Variants in NXN observed in about 807,000 individuals in gnomAD.
NXN encodes nucleoredoxin, also known as nucleoredoxin 1.
A neutral mutation model predicts 48.6 loss-of-function variants in NXN; 16 were observed. The ratio of observed to expected loss-of-function variants is 0.33; its 90% CI spans 0.22 to 0.50. The LOEUF is 0.50. Ranked by LOEUF, NXN falls within the 20% of genes least tolerant of loss-of-function variation. The pLI, the probability that NXN is intolerant of heterozygous loss-of-function variation, is 0.98. For missense variants in NXN, 492 were observed against 605.5 expected, an observed-to-expected ratio of 0.81 and a Z score of 1.97; for synonymous variants, 281 against 269.6, an observed-to-expected ratio of 1.04 and a Z score of -0.41.
At chr17:827,803 G>C (rs4393629) in intron 1 of NXN, among the ~76,000 whole-genome samples, 103,321 of 151,686 alleles carry the variant, frequency 0.68, 36,149 homozygotes, top group African/African-American at 0.84. Flanking sequence ...AAGGATGTGT[G>C]GCAGCCAAGC....
At chr17:868,580 C>T (rs1019245932) in intron 1 of NXN, among the ~76,000 whole-genome samples, 2 of 152,196 alleles carry the variant, frequency 1.3e-5, no homozygotes, top group African/African-American at 4.8e-5. Flanking sequence ...CAACCTCCGC[C>T]TCCCGGGTTC....
At chr17:805,531 C>T (rs1036855611) in intron 5 of NXN, among the ~76,000 whole-genome samples, 8 of 152,176 alleles carry the variant, frequency 5.3e-5, no homozygotes, top group Non-Finnish European at 1.0e-4. Context: ...AGTGTGTTGT[C>T]GTTCCTACCT....
At chr17:938,878 G>A (rs1039272538) in intron 1 of NXN, among the ~76,000 whole-genome samples, 2 of 151,968 alleles carry the variant, frequency 1.3e-5, no homozygotes, top group Non-Finnish European at 2.9e-5. Context: ...TGGCCAACAT[G>A]GCAAAACCCC....
At chr17:826,600 G>C (rs570344526) in intron 1 of NXN, among the ~76,000 whole-genome samples, 2 of 152,236 alleles carry the variant, frequency 1.3e-5, no homozygotes, top group Non-Finnish European at 2.9e-5. Context: ...CGCTCTCCAC[G>C]GCCCCTTCCC....
intron 1 of NXN, 142 bp from the exon 2 acceptor site, chr17:826,220 C>G: frequency 1.4e-6 from 1 of 718,770 alleles, no homozygotes; most frequent in Non-Finnish European, 2.6e-6. Flanking sequence ...CCAAGCAGGG[C>G]TGCTGGGCAA....
At chr17:853,034 A>G (rs1465862091) in intron 1 of NXN, among the ~76,000 whole-genome samples, 3 of 151,742 alleles carry the variant, frequency 2.0e-5, no homozygotes, top group Admixed American at 6.6e-5. Context: ...CTGGAGTGCA[A>G]TGGCGCAATC....
chr17:975,304 A>G (rs963152365), intron 1 of NXN, among the ~76,000 whole-genome samples: 3 of 152,252 alleles, frequency 2.0e-5, no homozygotes, highest in Non-Finnish European at 2.9e-5. Context: ...AATGCAAAGA[A>G]AAGATACAGT....
chr17:904,141 G>A (rs867977663), intron 1 of NXN, among the ~76,000 whole-genome samples: 2 of 152,220 alleles, frequency 1.3e-5, no homozygotes, highest in Non-Finnish European at 2.9e-5. Flanking sequence ...GCCAAACTCT[G>A]TCCGTACATG....
chr17:927,654 G>A (rs946462973), intron 1 of NXN, among the ~76,000 whole-genome samples: 1 of 151,828 alleles, frequency 6.6e-6, no homozygotes, highest in Non-Finnish European at 1.5e-5. Flanking sequence ...GGCTCAGTGG[G>A]AGATGGCCCA....
chr17:807,459 C>T (rs1025496703), intron 5 of NXN, among the ~76,000 whole-genome samples: 7 of 152,316 alleles, frequency 4.6e-5, no homozygotes, highest in South Asian at 2.1e-4. Flanking sequence ...GCCCATTTCC[C>T]GGCTCAGCGC....
At chr17:889,815 T>C (rs1019123405) in intron 1 of NXN, among the ~76,000 whole-genome samples, 1 of 152,194 alleles carries the variant, frequency 6.6e-6, no homozygotes, top group Non-Finnish European at 1.5e-5. Context: ...AATTGTTGGC[T>C]GTTGCAGAAT....
chr17:908,822 G>A (rs781287578), intron 1 of NXN, among the ~76,000 whole-genome samples: 5 of 151,724 alleles, frequency 3.3e-5, no homozygotes, highest in East Asian at 3.9e-4. Flanking sequence ...ATACACTCCC[G>A]GCTGGGTGCG....
At chr17:927,332 G>A (rs1315460327) in intron 1 of NXN, among the ~76,000 whole-genome samples, 3 of 151,478 alleles carry the variant, frequency 2.0e-5, no homozygotes, top group African/African-American at 7.3e-5. Context: ...ATTAGGACTG[G>A]GTGCTGTGGC....
At chr17:893,144 C>A (rs572632183) in intron 1 of NXN, among the ~76,000 whole-genome samples, 1 of 152,376 alleles carries the variant, frequency 6.6e-6, no homozygotes, top group East Asian at 1.9e-4. Flanking sequence ...GGAGAACACG[C>A]CTACGCAGGC....
chr17:926,949 A>T (rs1040783415), intron 1 of NXN, among the ~76,000 whole-genome samples: 4 of 152,184 alleles, frequency 2.6e-5, no homozygotes, highest in African/African-American at 4.8e-5. Context: ...AAAACTGTTC[A>T]TAACAACCCT....
At chr17:811,743 C>T (rs1028713336) in intron 5 of NXN, among the ~76,000 whole-genome samples, 3 of 152,050 alleles carry the variant, frequency 2.0e-5, no homozygotes, top group Non-Finnish European at 4.4e-5. Flanking sequence ...AGGCCGCCAC[C>T]CTGTGAGATG....
At chr17:864,995 G>C in intron 1 of NXN, among the ~76,000 whole-genome samples, 1 of 152,178 alleles carries the variant, frequency 6.6e-6, no homozygotes. Context: ...CCTGGATCTC[G>C]GAACTAGAAC....
intron 5 of NXN, among the ~76,000 whole-genome samples, chr17:814,799 CTT>C (rs1404231919): frequency 3.3e-5 from 5 of 150,910 alleles, no homozygotes; most frequent in African/African-American, 4.9e-5. Context: ...GAATTTCACT[CTT>C]GTCACCCAGG....
intron 1 of NXN, among the ~76,000 whole-genome samples, chr17:834,079 G>C (rs865875094): frequency 1.3e-5 from 2 of 152,194 alleles, no homozygotes; most frequent in Non-Finnish European, 2.9e-5. Context: ...CAGCACTCTG[G>C]GGGGACGAGG....
Sources: allele counts gnomAD v4.1 joint callset (sites outside exome capture counted in the v4.1 genomes callset), GRCh38; gene constraint gnomAD v4.1.1; transcripts MANE v1.5; gene names NCBI Gene and HGNC (gene_info 2026-07-23, HGNC 2026-07-21).